Variants in IL7 observed in about 807,000 individuals in gnomAD.
IL7 encodes the protein interleukin-7.
IL7 carries 3 observed loss-of-function variants against 21.6 expected under a neutral mutation model. The observed-to-expected ratio is 0.14, with a 90% confidence interval of 0.06 to 0.36. The LOEUF is 0.36. Among genes scored for constraint, IL7 ranks in the 10% least tolerant of loss-of-function variants. The pLI, the probability that IL7 is intolerant of heterozygous loss-of-function variation, is 1.00. For synonymous variants in IL7, 62 were observed against 68.1 expected (o/e 0.91, Z 0.44); for missense variants, 175 against 200.2 (o/e 0.87, Z 0.76).
At chr8:78,755,952 G>T (rs1812331860) in intron 2 of IL7, among the ~76,000 whole-genome samples, 1 of 151,930 alleles carries the variant, frequency 6.6e-6, no homozygotes, top group Admixed American at 6.6e-5. Context: ...TCTGTAAGAT[G>T]ATAGCTGTGG....
intron 2 of IL7, among the ~76,000 whole-genome samples, chr8:78,780,209 G>GT (rs1178321705): frequency 6.6e-6 from 1 of 151,912 alleles, no homozygotes; most frequent in Non-Finnish European, 1.5e-5. Flanking sequence ...ATTTTGAAGG[G>GT]TTTTTTATGT....
chr8:78,803,144 T>C (rs890549016), intron 1 of IL7, among the ~76,000 whole-genome samples: 3 of 152,170 alleles, frequency 2.0e-5, no homozygotes, highest in Non-Finnish European at 2.9e-5. Flanking sequence ...TTTATGCTTG[T>C]TCAGGGTTTC....
At chr8:78,761,573 T>A (rs1812558042) in intron 2 of IL7, 2 of 1,611,846 alleles carry the variant, frequency 1.2e-6, no homozygotes, top group Non-Finnish European at 1.7e-6. Context: ...GTTATGAGAT[T>A]CATCAACAAA....
chr8:78,738,528 T>C lies in IL7; in HGVS notation c.336A>G (p.Thr112=). ...CCTGGCCAGTGCAGTTCAACAGTAT[T>C]GTTGTGCCTTCTGAAACTTTTAATA... ...LHLLKVSEGT[T]ILLNCTGQVK... Residue 112 remains threonine (T), a synonymous_variant, in exon 4 of 6, where the codon ACA becomes ACG. Coordinates refer to ENST00000263851, the MANE Select transcript of IL7 (RefSeq NM_000880.4). 6.2e-7 allele frequency: 1 copy of C among 1,613,718 alleles called. No homozygotes were observed. The highest frequency in any genetic ancestry group is 1.1e-5 in the South Asian group (1 of 91,054).
intron 3 of IL7, among the ~76,000 whole-genome samples, chr8:78,726,742 A>G (rs767014065): frequency 6.6e-6 from 1 of 151,956 alleles, no homozygotes; most frequent in Non-Finnish European, 1.5e-5. Flanking sequence ...AATTTCCTTA[A>G]TAGTGCACTC....
intron 3 of IL7, among the ~76,000 whole-genome samples, chr8:78,723,155 T>G (rs1033701544): frequency 6.7e-6 from 1 of 149,724 alleles, no homozygotes; most frequent in Non-Finnish European, 1.5e-5. Context: ...GTAAAGAGAA[T>G]GTTTTTCCTC....
chr8:78,702,281 A>G (rs971776300), intron 3 of IL7, among the ~76,000 whole-genome samples: 3 of 151,996 alleles, frequency 2.0e-5, no homozygotes, highest in Admixed American at 6.6e-5. Context: ...ATATTCTGTG[A>G]TGACTTGTAT....
At chr8:78,723,026 A>AATG (rs1811269854) in intron 3 of IL7, among the ~76,000 whole-genome samples, 1 of 149,978 alleles carries the variant, frequency 6.7e-6, no homozygotes, top group African/African-American at 2.4e-5. Context: ...GGGGGAATAC[A>AATG]TGCATTCTTT....
At chr8:78,804,407 A>ATGGGGTTTTCCGGAGACCTGTTCCCC (rs1563443559) in intron 1 of IL7, among the ~76,000 whole-genome samples, 3 of 152,120 alleles carry the variant, frequency 2.0e-5, no homozygotes, top group African/African-American at 7.2e-5. Flanking sequence ...GGGGGGAAAA[A>ATGGGGTTTTCCGGAGACCTGTTCCCC]TGGGGTTTTC....
intron 2 of IL7, among the ~76,000 whole-genome samples, chr8:78,787,225 A>G (rs1586105955): frequency 6.6e-6 from 1 of 152,174 alleles, no homozygotes; most frequent in South Asian, 2.1e-4. Flanking sequence ...TCAGAAGCAC[A>G]GGTTAGACAT....
chr8:78,722,384 C>G lies in IL7; in HGVS notation n.268-944G>C, dbSNP rs183977840. ...CCTAAATTTCATTCAAGAGGACATT[C>G]TATTTTTTAATTTTAAAATTTTTAT... On this transcript the variant is annotated intron_variant and non_coding_transcript_variant, in intron 3 of 6. Transcript: ENST00000519833. Among the ~76,000 whole-genome samples the G allele has an allele frequency of 2.0e-5, 3 of 150,562 alleles. No homozygotes were observed. In the East Asian group the frequency reaches 5.8e-4, roughly 29 times the overall value.
intron 3 of IL7, among the ~76,000 whole-genome samples, chr8:78,690,520 A>G (rs1397208228): frequency 6.6e-6 from 1 of 151,664 alleles, no homozygotes; most frequent in Non-Finnish European, 1.5e-5. Flanking sequence ...AGATCATGCC[A>G]CTGCACTCCA....
chr8:78,772,092 C>A (rs1563429521), intron 2 of IL7, among the ~76,000 whole-genome samples: 5 of 152,246 alleles, frequency 3.3e-5, no homozygotes, highest in Middle Eastern at 3.4e-3. Flanking sequence ...ACTCCACAAT[C>A]CCAAAGAAAC....
intron 2 of IL7, among the ~76,000 whole-genome samples, chr8:78,757,692 T>C (rs1422368046): frequency 1.3e-5 from 2 of 152,134 alleles, no homozygotes; most frequent in African/African-American, 4.8e-5. Context: ...CTTTGTCCGA[T>C]ATAAGTATAG....
intron 2 of IL7, chr8:78,760,208 A>G (rs1197968120): frequency 2.5e-6 from 4 of 1,583,760 alleles, no homozygotes; most frequent in East Asian, 2.2e-5. Context: ...AGAGTTTAAT[A>G]TATGTGTCCA....
At chr8:78,769,717 A>G (rs971913682) in intron 2 of IL7, among the ~76,000 whole-genome samples, 7 of 152,136 alleles carry the variant, frequency 4.6e-5, no homozygotes, top group Non-Finnish European at 1.0e-4. Flanking sequence ...AAAAGAGCCC[A>G]CATCGCCAAG....
intron 3 of IL7, among the ~76,000 whole-genome samples, chr8:78,708,672 C>CTTTTTTTTTTTTTTT (rs66697724): frequency 7.0e-6 from 1 of 142,574 alleles, no homozygotes; most frequent in African/African-American, 2.6e-5. Context: ...AGATGATTAT[C>CTTTTTTTTTTTTTTT]TTTTTTTTTT....
intron 2 of IL7, among the ~76,000 whole-genome samples, chr8:78,756,083 A>G (rs1418720526): frequency 6.6e-6 from 1 of 152,050 alleles, no homozygotes; most frequent in Non-Finnish European, 1.5e-5. Context: ...GCTAGTTGAG[A>G]TAATCATATG....
intron 3 of IL7, among the ~76,000 whole-genome samples, chr8:78,726,278 T>C (rs1457753032): frequency 1.3e-5 from 2 of 152,024 alleles, no homozygotes; most frequent in Non-Finnish European, 2.9e-5. Context: ...TGTTAGGGTA[T>C]TCAATGTGAT....
Sources: allele counts gnomAD v4.1 joint callset (sites outside exome capture counted in the v4.1 genomes callset), GRCh38; gene constraint gnomAD v4.1.1; transcripts MANE v1.5; gene names NCBI Gene and HGNC (gene_info 2026-07-23, HGNC 2026-07-21).